The following LRFN5 variants were observed in gnomAD, a reference collection of about 807,000 sequenced individuals.
LRFN5 encodes the protein leucine rich repeat and fibronectin type III domain containing 5.
Under a neutral mutation model 45.6 loss-of-function variants are expected in LRFN5, and 24 were observed. The observed-to-expected ratio is 0.53, with a 90% CI of 0.38 to 0.74. The LOEUF (loss-of-function observed/expected upper bound fraction) is 0.74, where lower values mean the gene tolerates loss of function less well. Among genes scored for constraint, LRFN5 ranks in the 30% least tolerant of loss-of-function variants. The probability of loss-of-function intolerance (pLI) is 0.00; values close to 1 mark genes in which losing one functional copy is unlikely to be tolerated. For missense variants in LRFN5, 776 were observed against 861.5 expected, an observed-to-expected ratio of 0.90 and a Z score of 1.24; for synonymous variants, 340 against 313.8, an observed-to-expected ratio of 1.08 and a Z score of -0.88.
intron 1 of LRFN5, among the ~76,000 whole-genome samples, chr14:41,682,850 T>C (rs1278367385): frequency 1.3e-5 from 2 of 152,190 alleles, no homozygotes; most frequent in South Asian, 4.1e-4. Context: ...AGGGACCAGA[T>C]AATTTCACTA....
intron 2 of LRFN5, among the ~76,000 whole-genome samples, chr14:41,815,059 A>G (rs186270458): frequency 3.4e-4 from 52 of 152,266 alleles, no homozygotes; most frequent in African/African-American, 1.2e-3. Context: ...TATCCAGTTG[A>G]TTAATAGTGT....
chr14:41,743,421 A>G (rs568411607), intron 1 of LRFN5, among the ~76,000 whole-genome samples: 1 of 152,328 alleles, frequency 6.6e-6, no homozygotes, highest in South Asian at 2.1e-4. Flanking sequence ...TTTGGAAATA[A>G]TATGTAAAAT....
intron 1 of LRFN5, among the ~76,000 whole-genome samples, chr14:41,730,746 G>C (rs2138792388): frequency 6.6e-6 from 1 of 151,490 alleles, no homozygotes; most frequent in Admixed American, 6.6e-5. Flanking sequence ...ATGTCTAATA[G>C]AATATATATG....
At position 41,716,137 on chromosome 14, in the gene LRFN5, C is replaced by A. The variant is rs201194034; in HGVS notation, c.-196-50717C>A. On this transcript the variant is annotated intron_variant, in intron 1 of 5. Coordinates refer to ENST00000298119, the MANE Select transcript of LRFN5 (RefSeq NM_152447.5). ...CCAAGTCTCTAGGCTGCACACAGCACGGGGACCCTGGGACTGGCCCCCAAG... is the reference window on the plus strand; with the variant it reads ...CCAAGTCTCTAGGCTGCACACAGCAAGGGGACCCTGGGACTGGCCCCCAAG... Among the ~76,000 whole-genome samples the A allele has an allele frequency of 1.4e-4, 21 of 152,266 alleles. No homozygotes were observed. The East Asian group carries it at 4.1e-3, about 29-fold the overall frequency.
At chr14:41,817,303 G>A (rs560750561) in intron 2 of LRFN5, among the ~76,000 whole-genome samples, 106 of 151,964 alleles carry the variant, frequency 7.0e-4, no homozygotes, top group African/African-American at 2.2e-3. Flanking sequence ...CTCTTCATAG[G>A]TATTTTTTTT....
At chr14:41,634,350 T>C (rs1888656309) in intron 1 of LRFN5, among the ~76,000 whole-genome samples, 1 of 152,162 alleles carries the variant, frequency 6.6e-6, no homozygotes, top group Non-Finnish European at 1.5e-5. Flanking sequence ...GTTAGGAAGT[T>C]CTTCTAGTGA....
intron 2 of LRFN5, among the ~76,000 whole-genome samples, chr14:41,790,209 A>T (rs1340807932): frequency 1.3e-5 from 2 of 152,086 alleles, no homozygotes; most frequent in South Asian, 4.1e-4. Flanking sequence ...GCTAAATTTT[A>T]AAATGTATTG....
At chr14:41,899,056 G>T in intron 5 of LRFN5, 96 bp downstream of exon 5, 2 of 977,384 alleles carry the variant, frequency 2.0e-6, no homozygotes, top group South Asian at 1.7e-5. Context: ...AATTTATGTA[G>T]CTTGTTGAAA....
At position 41,728,391 on chromosome 14, in the gene LRFN5, C is replaced by T. The variant is rs553623726; in HGVS notation, c.-196-38463C>T. Among the ~76,000 whole-genome samples the T allele has an allele frequency of 2.0e-5, 3 of 152,228 alleles. No homozygotes were observed. The East Asian group carries it at 5.8e-4, about 29-fold the overall frequency. ...GTGTCTGAGCCTCCTATAGATAGAT[C>T]ATCTTAATGAGTCCAAAGACTCTCA... On this transcript the variant is annotated intron_variant, in intron 1 of 5. Coordinates refer to ENST00000298119, the MANE Select transcript of LRFN5 (RefSeq NM_152447.5).
intron 1 of LRFN5, among the ~76,000 whole-genome samples, chr14:41,715,823 T>G (rs995351494): frequency 6.6e-6 from 1 of 152,176 alleles, no homozygotes; most frequent in Non-Finnish European, 1.5e-5. Context: ...CACTAGGTGG[T>G]ACTCCAGTAG....
intron 2 of LRFN5, among the ~76,000 whole-genome samples, chr14:41,786,369 G>T (rs2059703948): frequency 6.6e-6 from 1 of 151,686 alleles, no homozygotes; most frequent in Non-Finnish European, 1.5e-5. Flanking sequence ...TTCATATTTA[G>T]AGTTTTTTTA....
Position 41,643,065 on chromosome 14 carries a change from T to G in LRFN5, c.-197+34503T>G, listed in dbSNP as rs1879652796. Among the ~76,000 whole-genome samples, 6 of 152,206 alleles carry G rather than the reference T, an allele frequency of 3.9e-5. No individual in the cohort carries two copies. In the South Asian group the frequency reaches 1.2e-3, roughly 32 times the overall value. On this transcript the variant is annotated intron_variant, in intron 1 of 5. Coordinates refer to ENST00000298119, the MANE Select transcript of LRFN5 (RefSeq NM_152447.5). Reference sequence around the variant, plus strand: ...CTGAATGCAGTGTTAAAAATTCATCTTAACTGACTTATAATTTAGGAGCAA... The same window carrying G: ...CTGAATGCAGTGTTAAAAATTCATCGTAACTGACTTATAATTTAGGAGCAA...
intron 1 of LRFN5, among the ~76,000 whole-genome samples, chr14:41,640,631 C>G (rs901005125): frequency 6.6e-6 from 1 of 152,064 alleles, no homozygotes; most frequent in African/African-American, 2.4e-5. Context: ...TCATTTCATT[C>G]TTAATTAAAT....
intron 4 of LRFN5, among the ~76,000 whole-genome samples, chr14:41,896,182 T>A (rs1301202697): frequency 6.6e-6 from 1 of 152,190 alleles, no homozygotes; most frequent in African/African-American, 2.4e-5. Flanking sequence ...TCCAATAGTT[T>A]AAAAATCCAT....
At chr14:41,802,415 G>T (rs1291034358) in intron 2 of LRFN5, among the ~76,000 whole-genome samples, 1 of 152,082 alleles carries the variant, frequency 6.6e-6, no homozygotes, top group East Asian at 1.9e-4. Context: ...CTAAGGGTAG[G>T]AGATAAGGAA....
chr14:41,885,483 TA>T (rs1890536030), intron 2 of LRFN5, among the ~76,000 whole-genome samples: 1 of 152,156 alleles, frequency 6.6e-6, no homozygotes, highest in South Asian at 2.1e-4. Context: ...AGTGTTTATT[TA>T]AAATAAAATT....
chr14:41,755,326 C>G (rs1594677982), intron 1 of LRFN5, among the ~76,000 whole-genome samples: 1 of 152,126 alleles, frequency 6.6e-6, no homozygotes, highest in East Asian at 1.9e-4. Flanking sequence ...TCCTTGTTAA[C>G]TTTCTGTCTC....
intron 1 of LRFN5, among the ~76,000 whole-genome samples, chr14:41,615,946 T>C (rs761414848): frequency 7.2e-5 from 11 of 152,042 alleles, no homozygotes; most frequent in Non-Finnish European, 1.6e-4. Flanking sequence ...TTACAAACAA[T>C]CAAATTACAC....
At chr14:41,632,558 G>A (rs1474310969) in intron 1 of LRFN5, among the ~76,000 whole-genome samples, 2 of 152,066 alleles carry the variant, frequency 1.3e-5, no homozygotes, top group African/African-American at 4.8e-5. Flanking sequence ...AGCCGAGATC[G>A]CACTATTGCA....
Sources: allele counts gnomAD v4.1 joint callset (sites outside exome capture counted in the v4.1 genomes callset), GRCh38; gene constraint gnomAD v4.1.1; transcripts MANE v1.5; gene names NCBI Gene and HGNC (gene_info 2026-07-23, HGNC 2026-07-21).